SLC26A8: variants seen among roughly 807,000 people sequenced by gnomAD.
SLC26A8 encodes the protein testis anion transporter 1.
Under a neutral mutation model 105.0 loss-of-function variants are expected in SLC26A8, and 70 were observed. The ratio of observed to expected loss-of-function variants is 0.67; its 90% confidence interval spans 0.55 to 0.81. SLC26A8 has a LOEUF of 0.81. Ranked by LOEUF, SLC26A8 falls within the 40% of genes least tolerant of loss-of-function variation. The probability of loss-of-function intolerance (pLI) is 0.00; values close to 1 mark genes in which losing one functional copy is unlikely to be tolerated. For synonymous variants in SLC26A8, 415 were observed against 438.3 expected (o/e 0.95, Z 0.66); for missense variants, 998 against 1,181.8 (o/e 0.84, Z 2.28).
At chr6:35,959,880 G>A (rs1772243556) in intron 14 of SLC26A8, 74 bp from the exon 15 acceptor site, 5 of 1,132,982 alleles carry the variant, frequency 4.4e-6, no homozygotes, top group Non-Finnish European at 5.2e-6. Context: ...ATCCTTAGAA[G>A]CTCCTAGAGA....
chr6:35,945,350 A>G (rs1197893325), intron 19 of SLC26A8, among the ~76,000 whole-genome samples: 1 of 152,164 alleles, frequency 6.6e-6, no homozygotes, highest in Non-Finnish European at 1.5e-5. Context: ...TAAAACAGCA[A>G]TGGACTTAAC....
intron 11 of SLC26A8, among the ~76,000 whole-genome samples, chr6:35,966,771 G>A (rs1772532652): frequency 6.6e-6 from 1 of 151,974 alleles, no homozygotes; most frequent in Non-Finnish European, 1.5e-5. Flanking sequence ...CTATTCCATT[G>A]ATCTTATTAT....
At chr6:35,978,569 GTT>G (rs1395710170) in intron 8 of SLC26A8, among the ~76,000 whole-genome samples, 2 of 152,134 alleles carry the variant, frequency 1.3e-5, no homozygotes, top group Non-Finnish European at 2.9e-5. Flanking sequence ...TGCCTCAACA[GTT>G]GATTTCCTTC....
rs570290300 is a variant in SLC26A8, at chr6:35,950,321, A to C, written c.2472+842T>G. On this transcript the variant is annotated intron_variant, in intron 19 of 19. Coordinates refer to ENST00000490799, the MANE Select transcript of SLC26A8 (RefSeq NM_052961.4). ...TTTTTTTTTTTTTAGACAGAGTCTC[A>C]CTCTGTCGCCCAGGCTGGAGTGCAG... Among the ~76,000 whole-genome samples, 5 of 149,368 alleles carry C rather than the reference A, an allele frequency of 3.3e-5. No individual in the cohort carries two copies. The South Asian group carries it at 1.1e-3, about 32-fold the overall frequency.
chr6:35,997,897 A>C lies in SLC26A8; in HGVS notation c.468T>G (p.Ala156=). The C allele has an allele frequency of 1.2e-6, 2 of 1,614,118 alleles. No homozygotes were observed. The highest frequency in any genetic ancestry group is 2.2e-5 in the South Asian group (2 of 91,072). Residue 156 remains alanine (A), a synonymous_variant, in exon 5 of 20, where the codon GCT becomes GCG. Coordinates refer to ENST00000490799, the MANE Select transcript of SLC26A8 (RefSeq NM_052961.4). ...TCACTTTCAGAACGTTGATCAGCAG[A>C]GCACTCACCAGGAAGAAGGAACCTG... ...MSIGSFFLVS[A]LLINVLKVSP... is the part of the protein sequence containing the mutation.
Position 35,944,327 on chromosome 6 carries a change from C to T in SLC26A8, c.2486G>A (p.Arg829Lys). 2 of 1,609,974 alleles carry T rather than the reference C, an allele frequency of 1.2e-6. No individual in the cohort carries two copies. The highest frequency in any genetic ancestry group is 4.5e-5 in the East Asian group (2 of 44,858). Residue 829 changes from arginine (R) to lysine (K), a missense_variant, in exon 20 of 20, where the codon AGA becomes AAA. Arg to Lys is a conservative substitution (Grantham distance 26). Coordinates refer to ENST00000490799, the MANE Select transcript of SLC26A8 (RefSeq NM_052961.4). ...YSETDKNDNS[R>K]YKMSSSFLGS... ...TAGAAAACTGCTGCTCATTTTATAT[C>T]TTGAATTGTCATTCTGAAATACAAT...
At chr6:35,948,892 G>T (rs1771765107) in intron 19 of SLC26A8, among the ~76,000 whole-genome samples, 1 of 152,056 alleles carries the variant, frequency 6.6e-6, no homozygotes. Flanking sequence ...AGGGCTGGAG[G>T]GCTAGCATAA....
intron 1 of SLC26A8, among the ~76,000 whole-genome samples, chr6:36,020,184 C>A (rs851033): frequency 2.6e-5 from 4 of 152,078 alleles, no homozygotes; most frequent in African/African-American, 9.7e-5. Flanking sequence ...CTTTTCTTCA[C>A]GGCACTTGCC....
intron 5 of SLC26A8, among the ~76,000 whole-genome samples, chr6:35,994,037 T>C (rs2127351034): frequency 6.6e-6 from 1 of 151,200 alleles, no homozygotes; most frequent in Admixed American, 6.6e-5. Context: ...TTTGGAACAA[T>C]AAATCATTTT....
intron 5 of SLC26A8, among the ~76,000 whole-genome samples, chr6:35,993,103 A>G (rs1399173509): frequency 1.4e-5 from 2 of 144,778 alleles, no homozygotes; most frequent in Non-Finnish European, 3.0e-5. Flanking sequence ...GGCACAAGGG[A>G]TTCTCTGCTT....
In SLC26A8 at chr6:35,981,471, T is replaced by C. The variant is rs1773262574; in HGVS notation, c.1025+650A>G. ...GCCTGAGCAACACAGCAAAATGCTG[T>C]CTCTACTAAAAATGCAAAAAATTAG... On this transcript the variant is annotated intron_variant, in intron 8 of 19. Transcript: ENST00000490799. The surrounding 1 kb of genome is among the most constrained non-coding windows in gnomAD (Gnocchi z 4.0). Among the ~76,000 whole-genome samples, 1 of 152,070 alleles carries C rather than the reference T, an allele frequency of 6.6e-6. No individual in the cohort carries two copies. Among genetic ancestry groups the C allele is most frequent in the African/African-American group, 2.4e-5 (1 of 41,380 alleles).
intron 11 of SLC26A8, among the ~76,000 whole-genome samples, 178 bp from the exon 12 acceptor site, chr6:35,962,799 G>A (rs553275897): frequency 1.3e-5 from 2 of 152,088 alleles, no homozygotes; most frequent in East Asian, 1.9e-4. Flanking sequence ...TTTTCTCTAC[G>A]TTTCTCTTTT....
chr6:35,992,702 G>A, intron 5 of SLC26A8, 28 bp from the exon 6 acceptor site: 1 of 1,574,302 alleles, frequency 6.4e-7, no homozygotes, highest in Non-Finnish European at 8.6e-7. Flanking sequence ...CCAGAGTGGG[G>A]TAGAATGTCT....
Position 35,961,083 on chromosome 6 carries a change from G to A in SLC26A8, c.1478C>T (p.Thr493Ile). ...DQYDCALWMM[T>I]FSSSIFLGLD... ...TCCCAGGAAAATTGAAGATGAGAAT[G>A]TCATCATCCAAAGAGCCTTATGGAA... Residue 493 changes from threonine to isoleucine, a missense_variant, in exon 13 of 20, where the codon ACA becomes ATA. By Grantham distance (89) the Thr-to-Ile change is moderately conservative (BLOSUM62 -1). Transcript: ENST00000490799. 6.2e-7 allele frequency: 1 copy of A among 1,613,344 alleles called. No individual in the cohort carries two copies.
chr6:35,997,946 G>T (rs1162107801), intron 4 of SLC26A8, 27 bp from the exon 5 acceptor site: 1 of 1,605,904 alleles, frequency 6.2e-7, no homozygotes, highest in South Asian at 1.1e-5. Flanking sequence ...TAGGTAGAAG[G>T]TGAAGTTTCA....
At chr6:35,978,585 T>A (rs536155007) in intron 8 of SLC26A8, among the ~76,000 whole-genome samples, 1 of 152,306 alleles carries the variant, frequency 6.6e-6, no homozygotes, top group Non-Finnish European at 1.5e-5. Context: ...TTCCTTCTGA[T>A]AAATTATATA....
At chr6:35,949,446 TAA>T (rs1771783156) in intron 19 of SLC26A8, among the ~76,000 whole-genome samples, 1 of 151,210 alleles carries the variant, frequency 6.6e-6, no homozygotes, top group African/African-American at 2.4e-5. Context: ...AAAAAAAAAA[TAA>T]AGATTACCCT....
intron 7 of SLC26A8, among the ~76,000 whole-genome samples, chr6:35,990,972 G>T (rs928605193): frequency 3.9e-5 from 6 of 152,198 alleles, no homozygotes; most frequent in Admixed American, 2.6e-4. Flanking sequence ...AATAAGCATT[G>T]TGTGAGGGAG....
chr6:35,944,077 G>C lies in SLC26A8; in HGVS notation c.2736C>G (p.Pro912=), dbSNP rs748302698. The C allele has an allele frequency of 1.9e-6, 3 of 1,614,066 alleles. No individual in the cohort carries two copies. The East Asian group carries it at 6.7e-5, about 36-fold the overall frequency. Reference sequence around the variant, plus strand: ...GAGCTCTTGGCCTAGATTTGGGGTTGGGCTCCATCTCAGGCTCAGTCTCAG... The same window carrying C: ...GAGCTCTTGGCCTAGATTTGGGGTTCGGCTCCATCTCAGGCTCAGTCTCAG... ...PQPETEPEME[P]NPKSRPRAHT... is the part of the protein sequence containing the mutation. Residue 912 remains proline (P), a synonymous_variant, in exon 20 of 20, where the codon CCC becomes CCG. Coordinates refer to ENST00000490799, the MANE Select transcript of SLC26A8 (RefSeq NM_052961.4).
Sources: gnomAD v4.1 joint callset for allele counts (sites outside exome capture counted in the v4.1 genomes callset) on GRCh38, gnomAD v4.1.1 for gene constraint, Gnocchi (gnomAD v3.1) non-coding constraint, MANE v1.5 for transcripts, NCBI Gene and HGNC (gene_info 2026-07-23, HGNC 2026-07-21) for gene names.